Variants in CPNE4 observed in about 807,000 individuals in gnomAD.
The protein encoded by CPNE4 is copine 4, also known as copine-4.
In CPNE4, 25 loss-of-function variants were observed where a neutral mutation model predicts 67.9. That is an observed-to-expected ratio of 0.37 (90% confidence interval 0.27 to 0.51). The LOEUF (loss-of-function observed/expected upper bound fraction) is 0.51, where lower values mean the gene tolerates loss of function less well. CPNE4 is among the 20% of genes least tolerant of loss of function. The pLI is 0.93. For synonymous variants in CPNE4, 242 were observed against 244.9 expected (o/e 0.99, Z 0.11); for missense variants, 464 against 690.8 (o/e 0.67, Z 3.68).
At chr3:131,627,699 G>T (rs2079114701) in intron 7 of CPNE4, among the ~76,000 whole-genome samples, 1 of 152,198 alleles carries the variant, frequency 6.6e-6, no homozygotes, top group African/African-American at 2.4e-5. Context: ...TTTGGAAGTT[G>T]ATTTTAATGC....
At chr3:131,584,408 A>G (rs1938042703) in intron 8 of CPNE4, among the ~76,000 whole-genome samples, 1 of 152,186 alleles carries the variant, frequency 6.6e-6, no homozygotes, top group Admixed American at 6.5e-5. Flanking sequence ...TTAATAATCT[A>G]TCCTTGAGTC....
At chr3:131,577,147 G>C (rs1156363108) in intron 9 of CPNE4, among the ~76,000 whole-genome samples, 4 of 152,060 alleles carry the variant, frequency 2.6e-5, no homozygotes, top group African/African-American at 9.7e-5. Context: ...GGTGTAAAGG[G>C]TAGGGATATG....
chr3:131,986,757 G>A (rs1449277562), intron 1 of CPNE4, among the ~76,000 whole-genome samples: 1 of 151,226 alleles, frequency 6.6e-6, no homozygotes, highest in African/African-American at 2.4e-5. Flanking sequence ...TTAGAAGCCG[G>A]GAGGCGGAGG....
intron 14 of CPNE4, chr3:131,543,206 C>T (rs1250450605): frequency 6.1e-6 from 1 of 162,748 alleles, no homozygotes; most frequent in African/African-American, 2.4e-5. Context: ...AAATCTAAAG[C>T]TATGACATCC....
At chr3:131,632,057 T>C (rs148022709) in intron 7 of CPNE4, among the ~76,000 whole-genome samples, 3,439 of 150,964 alleles carry the variant, frequency 0.023, 87 homozygotes, top group East Asian at 0.061. Context: ...TGAGCCAAGA[T>C]TGCACCACTG....
intron 7 of CPNE4, among the ~76,000 whole-genome samples, chr3:131,661,960 T>A (rs573903269): frequency 1.3e-5 from 2 of 152,164 alleles, no homozygotes; most frequent in South Asian, 4.2e-4. Flanking sequence ...TAAAGCCCTT[T>A]CTATGGGTTT....
At chr3:131,799,903 CGTGTGTGTGTGTGTGTT>C (rs932303387) in intron 2 of CPNE4, among the ~76,000 whole-genome samples, 41 of 136,080 alleles carry the variant, frequency 3.0e-4, no homozygotes, top group Non-Finnish European at 2.8e-4. Context: ...TTTGTTGGTG[CGTGTGTGTGTGTGTGTT>C]GTGTGTGTGT....
At chr3:131,925,608 G>T (rs371243161) in intron 1 of CPNE4, 1 of 152,128 alleles carries the variant, frequency 6.6e-6, no homozygotes, top group East Asian at 1.9e-4. Context: ...TTGGTTTGGG[G>T]ATAGGGGAGA....
At chr3:131,562,144 T>TA (rs1320418388) in intron 11 of CPNE4, among the ~76,000 whole-genome samples, 4 of 152,070 alleles carry the variant, frequency 2.6e-5, no homozygotes, top group African/African-American at 9.7e-5. Context: ...ATCTTATTTT[T>TA]ATATTGAATC....
intron 7 of CPNE4, among the ~76,000 whole-genome samples, chr3:131,667,143 G>T (rs945481110): frequency 6.6e-6 from 1 of 151,956 alleles, no homozygotes; most frequent in Non-Finnish European, 1.5e-5. Context: ...TGCCTTCATG[G>T]GCCCCTTTTA....
At chr3:131,761,261 G>A (rs1455451879) in intron 2 of CPNE4, among the ~76,000 whole-genome samples, 2 of 140,220 alleles carry the variant, frequency 1.4e-5, no homozygotes, top group East Asian at 4.2e-4. Context: ...TGTCCCCTGA[G>A]CTTGAGTATA....
intron 2 of CPNE4, among the ~76,000 whole-genome samples, chr3:131,851,222 C>A (rs1485288331): frequency 6.6e-6 from 1 of 151,904 alleles, no homozygotes. Flanking sequence ...TTATAAGGAC[C>A]TAGACATTAT....
intron 7 of CPNE4, among the ~76,000 whole-genome samples, chr3:131,663,488 TA>T (rs201509431): frequency 0.019 from 2,856 of 150,610 alleles, 51 homozygotes; most frequent in African/African-American, 0.048. Context: ...AAACGTAAAT[TA>T]AAAAAAATAA....
intron 7 of CPNE4, among the ~76,000 whole-genome samples, chr3:131,662,093 C>T (rs887746672): frequency 5.9e-5 from 9 of 152,018 alleles, no homozygotes; most frequent in Middle Eastern, 3.4e-3. Context: ...CAGCTTGAAA[C>T]AGAAAGAAAA....
rs1559880356 is a variant in CPNE4, at chr3:131,549,935, C to T, written c.1302+12G>A. The stretch of plus-strand genomic sequence containing the variant: ...TAAGCTCCCCTTAGGAGGCAAATAG[C>T]CCCCTCCTTACCGATGCCTCCTTGG... On this transcript the variant is annotated intron_variant, in intron 14 of 15. Coordinates refer to ENST00000429747, the MANE Select transcript of CPNE4 (RefSeq NM_130808.3). 3.1e-6 allele frequency: 5 copies of T among 1,612,394 alleles called. No homozygotes were observed. The highest frequency in any genetic ancestry group is 1.1e-5 in the South Asian group (1 of 90,998).
At chr3:131,849,254 T>C (rs2086137962) in intron 2 of CPNE4, among the ~76,000 whole-genome samples, 1 of 152,118 alleles carries the variant, frequency 6.6e-6, no homozygotes, top group Non-Finnish European at 1.5e-5. Flanking sequence ...AGGGATTGTG[T>C]ATTAGTCCTT....
At chr3:131,918,760 T>C (rs940436881) in intron 1 of CPNE4, among the ~76,000 whole-genome samples, 1 of 152,144 alleles carries the variant, frequency 6.6e-6, no homozygotes, top group Admixed American at 6.5e-5. Flanking sequence ...CTATGTTAAT[T>C]TGCACTGTGA....
At chr3:131,631,327 G>T (rs1324156888) in intron 7 of CPNE4, among the ~76,000 whole-genome samples, 1 of 152,070 alleles carries the variant, frequency 6.6e-6, no homozygotes, top group African/African-American at 2.4e-5. Flanking sequence ...CCTTTGACAT[G>T]TCTCTCCGGG....
intron 1 of CPNE4, among the ~76,000 whole-genome samples, chr3:132,005,161 A>T (rs914474713): frequency 1.3e-5 from 2 of 151,804 alleles, no homozygotes; most frequent in Non-Finnish European, 2.9e-5. Flanking sequence ...CCAAAGATCA[A>T]GGCAGTCTCT....
Sources: gnomAD v4.1 joint callset for allele counts (sites outside exome capture counted in the v4.1 genomes callset) on GRCh38, gnomAD v4.1.1 for gene constraint, MANE v1.5 for transcripts, NCBI Gene and HGNC (gene_info 2026-07-23, HGNC 2026-07-21) for gene names.